Variants in MFHAS1 observed in about 807,000 individuals in gnomAD.
MFHAS1 encodes multifunctional ROCO family signaling regulator 1.
Under a neutral mutation model 70.4 loss-of-function variants are expected in MFHAS1, and 50 were observed. That is an observed-to-expected ratio of 0.71 (90% confidence interval 0.57 to 0.90). MFHAS1 has a LOEUF of 0.90. Among genes scored for constraint, MFHAS1 ranks in the 40% least tolerant of loss-of-function variants. The pLI is 0.00. For synonymous variants in MFHAS1, 952 were observed against 620.0 expected (o/e 1.54, Z -7.96); for missense variants, 1,795 against 1,347.6 (o/e 1.33, Z -5.20).
chr8:8,834,418 T>C, intron 1 of MFHAS1, among the ~76,000 whole-genome samples: 1 of 152,224 alleles, frequency 6.6e-6, no homozygotes, highest in Non-Finnish European at 1.5e-5. Context: ...ACACTTCCAG[T>C]ACGCAGGCTC....
In MFHAS1 at chr8:8,889,639, G is replaced by C. The variant is rs75567156; in HGVS notation, c.2998+422C>G. On this transcript the variant is annotated intron_variant, in intron 1 of 2. Transcript: ENST00000276282. ...AGTTTTTTAAAAAATTGTGACACTGGACACTTGAAACTCAAACTCATCTAC... is the reference window on the plus strand; with the variant it reads ...AGTTTTTTAAAAAATTGTGACACTGCACACTTGAAACTCAAACTCATCTAC... 4.8e-3 allele frequency among the ~76,000 whole-genome samples: 729 copies of C among 152,264 alleles called. 5 individuals are homozygous for C. The highest frequency in any genetic ancestry group is 0.017 in the African/African-American group (690 of 41,534).
chr8:8,820,499 A>C (rs1219190096), intron 1 of MFHAS1, among the ~76,000 whole-genome samples: 1 of 152,098 alleles, frequency 6.6e-6, no homozygotes, highest in Non-Finnish European at 1.5e-5. Flanking sequence ...ACTTGATCTC[A>C]ATGTCTTTCT....
At chr8:8,885,800 C>G (rs1809729844) in intron 1 of MFHAS1, among the ~76,000 whole-genome samples, 1 of 152,222 alleles carries the variant, frequency 6.6e-6, no homozygotes, top group Non-Finnish European at 1.5e-5. Context: ...ACCTCCGCCT[C>G]CCAAGTTCAA....
intron 2 of MFHAS1, among the ~76,000 whole-genome samples, chr8:8,787,941 A>C (rs1314925601): frequency 3.9e-5 from 6 of 152,204 alleles, no homozygotes; most frequent in East Asian, 3.9e-4. Context: ...TAGAGAAAAC[A>C]ACCATCAAAA....
rs1421963184 is a variant in MFHAS1, at chr8:8,785,847, C to T, written c.*175G>A. ...CCATGTTCTCGTCCATGCTTCCCCC[C>T]ACCACCCCCTCCCCACCTCTTCCCC... On this transcript the variant is annotated 3_prime_UTR_variant, in exon 3 of 3. Transcript: ENST00000276282. The T allele has an allele frequency of 8.0e-6, 4 of 501,476 alleles. No individual in the cohort carries two copies. Among genetic ancestry groups the T allele is most frequent in the East Asian group, 3.7e-5 (1 of 26,990 alleles). The allele number at this position is 501,476 out of a possible 1,614,324, so 31.1% of individuals were successfully genotyped here.
At chr8:8,855,355 G>A (rs1808398515) in intron 1 of MFHAS1, among the ~76,000 whole-genome samples, 1 of 152,216 alleles carries the variant, frequency 6.6e-6, no homozygotes, top group Admixed American at 6.5e-5. Flanking sequence ...ATTGTCTGGT[G>A]AAAGAGCCAG....
intron 2 of MFHAS1, among the ~76,000 whole-genome samples, chr8:8,793,032 G>T (rs550952984): frequency 6.6e-6 from 1 of 152,292 alleles, no homozygotes; most frequent in South Asian, 2.1e-4. Context: ...AAGCCACTCA[G>T]CTCCTGTTTC....
At chr8:8,854,670 G>C (rs1488247896) in intron 1 of MFHAS1, among the ~76,000 whole-genome samples, 1 of 131,816 alleles carries the variant, frequency 7.6e-6, no homozygotes, top group African/African-American at 3.0e-5. Flanking sequence ...GGATGACAGA[G>C]GGGGACTTTG....
chr8:8,809,100 G>T (rs191143922), intron 1 of MFHAS1, among the ~76,000 whole-genome samples: 1 of 152,214 alleles, frequency 6.6e-6, no homozygotes, highest in African/African-American at 2.4e-5. Context: ...CTCCTTGTAA[G>T]AATCTAATGC....
At chr8:8,883,728 A>AAAAG (rs1172992191) in intron 1 of MFHAS1, among the ~76,000 whole-genome samples, 5 of 150,704 alleles carry the variant, frequency 3.3e-5, no homozygotes, top group African/African-American at 1.2e-4. Flanking sequence ...AAAAAAAAAA[A>AAAAG]AAAGAAAGGG....
chr8:8,887,112 G>C (rs764171403), intron 1 of MFHAS1, among the ~76,000 whole-genome samples: 1 of 152,098 alleles, frequency 6.6e-6, no homozygotes, highest in African/African-American at 2.4e-5. Context: ...GGGCAACAGA[G>C]CAAGACTCCA....
At chr8:8,848,689 G>C (rs906384500) in intron 1 of MFHAS1, among the ~76,000 whole-genome samples, 2 of 152,142 alleles carry the variant, frequency 1.3e-5, no homozygotes, top group Non-Finnish European at 2.9e-5. Context: ...ACTCAATAGA[G>C]AATGGACAAA....
At chr8:8,830,864 T>G (rs538444505) in intron 1 of MFHAS1, among the ~76,000 whole-genome samples, 1 of 152,344 alleles carries the variant, frequency 6.6e-6, no homozygotes, top group Non-Finnish European at 1.5e-5. Context: ...CCCAAAGTGC[T>G]GGGATTACAG....
chr8:8,786,114 C>T (rs1161546089), intron 2 of MFHAS1, 59 bp from the exon 3 acceptor site: 15 of 1,434,986 alleles, frequency 1.0e-5, no homozygotes, highest in Non-Finnish European at 2.0e-6. Context: ...GACAATGCTA[C>T]CCTCAATAAG....
chr8:8,799,258 CAATA>C (rs1806006475), intron 1 of MFHAS1, among the ~76,000 whole-genome samples: 1 of 152,184 alleles, frequency 6.6e-6, no homozygotes, highest in East Asian at 1.9e-4. Context: ...AAATTTACAA[CAATA>C]AATAGGACAA....
chr8:8,801,139 T>G (rs1806070927), intron 1 of MFHAS1, among the ~76,000 whole-genome samples: 1 of 151,624 alleles, frequency 6.6e-6, no homozygotes, highest in African/African-American at 2.4e-5. Flanking sequence ...CGCTTGAACC[T>G]GGGAAGTGGA....
At chr8:8,849,309 G>A (rs1197568909) in intron 1 of MFHAS1, among the ~76,000 whole-genome samples, 2 of 152,032 alleles carry the variant, frequency 1.3e-5, no homozygotes, top group African/African-American at 4.8e-5. Flanking sequence ...TTGAACTCCT[G>A]GCCTCAAGTG....
chr8:8,890,478 C>A lies in MFHAS1; in HGVS notation c.2581G>T (p.Ala861Ser). Residue 861 changes from alanine (A) to serine (S), a missense_variant, in exon 1 of 3, where the codon GCA becomes TCA. Physicochemically the swap from Ala to Ser is moderately conservative, Grantham distance 99. Transcript: ENST00000276282. ...TTGGTCCCATTAATCCAGGCTTCTGCATGGGGCACCTCGTTCTGCACATAG... is the reference window on the plus strand; with the variant it reads ...TTGGTCCCATTAATCCAGGCTTCTGAATGGGGCACCTCGTTCTGCACATAG... The part of the protein sequence containing the change: ...PCYVQNEVPH[A>S]EAWINGTNLA... The A allele has an allele frequency of 6.2e-7, 1 of 1,613,914 alleles. No individual in the cohort carries two copies. The highest frequency in any genetic ancestry group is 8.5e-7 in the Non-Finnish European group (1 of 1,180,052).
intron 1 of MFHAS1, among the ~76,000 whole-genome samples, chr8:8,855,813 G>A (rs1808417848): frequency 2.0e-5 from 3 of 152,148 alleles, no homozygotes; most frequent in South Asian, 2.1e-4. Context: ...CCGAGATCAC[G>A]CCACTGCACT....
Sources: allele counts gnomAD v4.1 joint callset (sites outside exome capture counted in the v4.1 genomes callset), GRCh38; gene constraint gnomAD v4.1.1; transcripts MANE v1.5; gene names NCBI Gene and HGNC (gene_info 2026-07-23, HGNC 2026-07-21).